Variants in COL22A1 observed in about 807,000 individuals in gnomAD.
COL22A1 encodes collagen type XXII alpha 1 chain, also known as collagen alpha-1(XXII) chain.
COL22A1 carries 221 observed loss-of-function variants against 248.9 expected under a neutral mutation model. The observed-to-expected ratio is 0.89, with a 90% CI of 0.80 to 0.99. COL22A1 has a LOEUF of 0.99. COL22A1 is among the 50% of genes least tolerant of loss of function. The probability of loss-of-function intolerance (pLI) is 0.00; values close to 1 mark genes in which losing one functional copy is unlikely to be tolerated. For synonymous variants in COL22A1, 891 were observed against 793.4 expected, an observed-to-expected ratio of 1.12 and a Z score of -2.07; for missense variants, 2,240 against 2,179.0, an observed-to-expected ratio of 1.03 and a Z score of -0.56.
At chr8:138,612,256 G>A (rs918856469) in intron 56 of COL22A1, among the ~76,000 whole-genome samples, 8 of 152,132 alleles carry the variant, frequency 5.3e-5, no homozygotes, top group Non-Finnish European at 7.3e-5. Context: ...AATATATAGA[G>A]AGACACAGAT....
intron 30 of COL22A1, among the ~76,000 whole-genome samples, chr8:138,704,496 T>C (rs1828243363): frequency 6.6e-6 from 1 of 152,202 alleles, no homozygotes; most frequent in Non-Finnish European, 1.5e-5. Context: ...CCTCCGCTGC[T>C]GATACCCAGG....
At chr8:138,613,782 G>A in intron 56 of COL22A1, 85 bp downstream of exon 56, 2 of 1,179,284 alleles carry the variant, frequency 1.7e-6, no homozygotes, top group Non-Finnish European at 2.6e-6. Context: ...TATATACAGT[G>A]GCACCAGAGG....
chr8:138,715,568 TTAAAAAAA>T (rs753306354), intron 30 of COL22A1, 106 bp downstream of exon 30: 229 of 432,502 alleles, frequency 5.3e-4, no homozygotes, highest in Non-Finnish European at 6.8e-4. Flanking sequence ...GACTCTCATT[TTAAAAAAA>T]AAAAAAAAAA....
intron 22 of COL22A1, among the ~76,000 whole-genome samples, chr8:138,741,674 G>A (rs1831569087): frequency 6.6e-6 from 1 of 152,224 alleles, no homozygotes; most frequent in Admixed American, 6.5e-5. Flanking sequence ...TGGCTCCTTT[G>A]TGTTCTTGTA....
intron 3 of COL22A1, among the ~76,000 whole-genome samples, chr8:138,868,547 C>T (rs117842633): frequency 0.011 from 1,716 of 152,220 alleles, 20 homozygotes; most frequent in Admixed American, 0.023. Flanking sequence ...GTATTCAACT[C>T]GATCATCTTC....
At chr8:138,693,878 A>G (rs554167403) in intron 34 of COL22A1, among the ~76,000 whole-genome samples, 179 bp from the exon 35 acceptor site, 1 of 152,204 alleles carries the variant, frequency 6.6e-6, no homozygotes, top group African/African-American at 2.4e-5. Context: ...TCTGTTGGAG[A>G]TGGTCATATC....
At chr8:138,882,456 C>T (rs149495604) in intron 2 of COL22A1, among the ~76,000 whole-genome samples, 1 of 148,116 alleles carries the variant, frequency 6.8e-6, no homozygotes, top group East Asian at 2.0e-4. Flanking sequence ...CCTCACACTC[C>T]CCTACACCTC....
chr8:138,674,139 A>G (rs953825685), intron 41 of COL22A1, among the ~76,000 whole-genome samples: 14 of 152,080 alleles, frequency 9.2e-5, no homozygotes, highest in African/African-American at 3.1e-4. Flanking sequence ...TTGCTCTTGA[A>G]TCCCCTCCTT....
At chr8:138,726,539 A>T in intron 23 of COL22A1, among the ~76,000 whole-genome samples, 1 of 151,612 alleles carries the variant, frequency 6.6e-6, no homozygotes, top group Non-Finnish European at 1.5e-5. Context: ...AAATGGCCCA[A>T]CTAAACCTAT....
chr8:138,645,571 C>A (rs548880345), intron 47 of COL22A1, among the ~76,000 whole-genome samples: 69 of 152,290 alleles, frequency 4.5e-4, no homozygotes, highest in African/African-American at 1.6e-3. Flanking sequence ...ATACAATATA[C>A]CAGGCACTGA....
chr8:138,887,004 A>G (rs1243971841), intron 1 of COL22A1, among the ~76,000 whole-genome samples: 10 of 152,194 alleles, frequency 6.6e-5, no homozygotes, highest in African/African-American at 2.4e-4. Context: ...AAATAGCCAC[A>G]TCATGGGGAA....
At chr8:138,812,222 C>T (rs1403680849) in intron 8 of COL22A1, among the ~76,000 whole-genome samples, 3 of 152,200 alleles carry the variant, frequency 2.0e-5, no homozygotes, top group African/African-American at 7.2e-5. Context: ...CTGTTCTTCC[C>T]TCACCCTCTG....
chr8:138,813,115 C>T, intron 7 of COL22A1, 96 bp from the exon 8 acceptor site: 1 of 897,934 alleles, frequency 1.1e-6, no homozygotes, highest in Admixed American at 1.9e-5. Flanking sequence ...GTATCTGGTT[C>T]CACTTCCTCT....
intron 3 of COL22A1, among the ~76,000 whole-genome samples, chr8:138,853,863 C>A (rs1270829397): frequency 6.6e-6 from 1 of 152,182 alleles, no homozygotes; most frequent in Non-Finnish European, 1.5e-5. Context: ...CTCATTAATA[C>A]CCAGAATTCC....
chr8:138,893,873 G>A (rs1237393218), intron 1 of COL22A1, among the ~76,000 whole-genome samples: 4 of 152,222 alleles, frequency 2.6e-5, no homozygotes, highest in Non-Finnish European at 5.9e-5. Flanking sequence ...TGTCATGGGA[G>A]CTGAGTGGAC....
In COL22A1 at chr8:138,599,861, C is replaced by A. The variant is rs142746543; in HGVS notation, c.4186-963G>T. ...GCGGAATTCCAATCCTATTCTCAAT[C>A]CCAAGAGTGCAGCTCCTCGGGCTGC... On this transcript the variant is annotated intron_variant, in intron 60 of 64. Transcript: ENST00000303045. 5.8e-3 allele frequency among the ~76,000 whole-genome samples: 890 copies of A among 152,324 alleles called. 8 individuals carry two copies. The highest frequency in any genetic ancestry group is 0.02 in the African/African-American group (821 of 41,568).
intron 12 of COL22A1, among the ~76,000 whole-genome samples, chr8:138,786,588 T>G (rs1815538920): frequency 6.6e-6 from 1 of 152,216 alleles, no homozygotes; most frequent in African/African-American, 2.4e-5. Flanking sequence ...GGACTCATCA[T>G]CAGCTGCCCA....
In COL22A1 at chr8:138,877,768, G is replaced by A. The variant is rs1241576170; in HGVS notation, c.640C>T (p.Arg214Trp). The change falls in exon 3 of 65, where the codon CGG (arginine) becomes TGG (tryptophan). Residue 214 changes from arginine (R) to tryptophan (W), a missense_variant. Physicochemically the swap from Arg to Trp is moderately radical, Grantham distance 101. Transcript: ENST00000303045. Reference protein sequence around the residue: ...NAIDKIRGKLRRRLCENVLCP... With the variant: ...NAIDKIRGKLWRRLCENVLCP... ...CACTCACTTTCACAAAGACGGCGCC[G>A]CAGCTTGCCCCGGATCTTGTCGATG... The A allele has an allele frequency of 3.8e-6, 6 of 1,592,838 alleles. No homozygotes were observed. Among genetic ancestry groups the A allele is most frequent in the East Asian group, 2.3e-5 (1 of 44,418 alleles).
At chr8:138,649,825 A>G (rs558005696) in intron 45 of COL22A1, 47 bp from the exon 46 acceptor site, 2 of 1,231,990 alleles carry the variant, frequency 1.6e-6, no homozygotes, top group Non-Finnish European at 2.3e-6. Flanking sequence ...TAACTAGCAA[A>G]TACAGTTTCA....
Sources: allele counts gnomAD v4.1 joint callset (sites outside exome capture counted in the v4.1 genomes callset), GRCh38; gene constraint gnomAD v4.1.1; transcripts MANE v1.5; gene names NCBI Gene and HGNC (gene_info 2026-07-23, HGNC 2026-07-21).